The following CD109 variants were observed in gnomAD, a reference collection of about 807,000 sequenced individuals.
CD109 encodes the protein CD109 molecule, also known as CD109 antigen.
A neutral mutation model predicts 165.8 loss-of-function variants in CD109; 149 were observed. The ratio of observed to expected loss-of-function variants is 0.90; its 90% CI spans 0.79 to 1.03. CD109 has a LOEUF of 1.03. CD109 is among the 50% of genes least tolerant of loss of function. The pLI is 0.00. For synonymous variants in CD109, 585 were observed against 592.1 expected (o/e 0.99, Z 0.18); for missense variants, 1,712 against 1,677.8 (o/e 1.02, Z -0.36).
chr6:73,683,173 C>T, the CD109 span, among the ~76,000 whole-genome samples: 3 of 152,196 alleles, frequency 2.0e-5, no homozygotes, highest in African/African-American at 4.8e-5. Flanking sequence ...TCAGGCTGCA[C>T]ATTTTCCAAA....
rs1243538330 is a variant in CD109, at chr6:73,749,644, G to A, written c.634-6999G>A. Among the ~76,000 whole-genome samples, 6 of 152,100 alleles carry A rather than the reference G, an allele frequency of 3.9e-5. No individual in the cohort carries two copies. The East Asian group carries it at 1.2e-3, about 29-fold the overall frequency. ...GCAAATTTCAATATAGGACTTCTGA[G>A]GACAAAGGAAACAAAATGTGTGTGA... On this transcript the variant is annotated intron_variant, in intron 5 of 32. Transcript: ENST00000287097.
chr6:73,706,020 C>T (rs56311419), intron 2 of CD109, among the ~76,000 whole-genome samples: 7,123 of 151,982 alleles, frequency 0.047, 189 homozygotes, highest in East Asian at 0.12. Flanking sequence ...GTGGTGAGAT[C>T]AGTATTGGGG....
chr6:73,709,593 G>T (rs1054451363), intron 2 of CD109, among the ~76,000 whole-genome samples: 1 of 152,114 alleles, frequency 6.6e-6, no homozygotes, highest in Non-Finnish European at 1.5e-5. Context: ...ACCTTGGGCA[G>T]TATGGCCATT....
intron 19 of CD109, among the ~76,000 whole-genome samples, chr6:73,784,958 C>T (rs1393661310): frequency 2.0e-5 from 3 of 152,108 alleles, no homozygotes; most frequent in South Asian, 2.1e-4. Flanking sequence ...CAAATTGCTT[C>T]GGGATTAGAC....
At chr6:73,731,244 C>A (rs749552994) in intron 4 of CD109, among the ~76,000 whole-genome samples, 1 of 152,170 alleles carries the variant, frequency 6.6e-6, no homozygotes, top group Non-Finnish European at 1.5e-5. Flanking sequence ...CGGGGTTTCA[C>A]CATGTTGGTC....
chr6:73,709,612 A>G (rs1323810755), intron 2 of CD109, among the ~76,000 whole-genome samples: 1 of 152,184 alleles, frequency 6.6e-6, no homozygotes, highest in Non-Finnish European at 1.5e-5. Flanking sequence ...TTTTCCTGAT[A>G]CCAAAGCCTG....
chr6:73,780,601 T>G, intron 16 of CD109, 103 bp downstream of exon 16: 1 of 765,686 alleles, frequency 1.3e-6, no homozygotes, highest in South Asian at 1.6e-5. Flanking sequence ...TTATTAAATG[T>G]GTCACTGAAG....
At chr6:73,718,523 C>G (rs1181333261) in intron 2 of CD109, among the ~76,000 whole-genome samples, 1 of 151,266 alleles carries the variant, frequency 6.6e-6, no homozygotes, top group Non-Finnish European at 1.5e-5. Context: ...AGTTTTTGCC[C>G]TTCATTCTGT....
intron 2 of CD109, among the ~76,000 whole-genome samples, chr6:73,710,480 G>A (rs1271804037): frequency 1.3e-5 from 2 of 152,110 alleles, no homozygotes; most frequent in Admixed American, 6.6e-5. Flanking sequence ...ATGCTCATGG[G>A]TAGGAAGAAT....
Position 73,742,983 on chromosome 6 carries a change from T to C in CD109, c.633+6475T>C, listed in dbSNP as rs548601226. On this transcript the variant is annotated intron_variant, in intron 5 of 32. Coordinates refer to ENST00000287097, the MANE Select transcript of CD109 (RefSeq NM_133493.5). ...CTAGGCATCTTTAGAATCCATCTTT[T>C]CCATTGAGAGGCAGTGTTGGGCAGT... is the stretch of plus-strand genomic sequence containing the variant. Among the ~76,000 whole-genome samples the C allele has an allele frequency of 1.8e-3, 280 of 152,302 alleles. 1 individual carries two copies. The highest frequency in any genetic ancestry group is 6.4e-3 in the African/African-American group (267 of 41,556).
At chr6:73,815,257 T>C in intron 30 of CD109, 134 bp downstream of exon 30, 1 of 593,460 alleles carries the variant, frequency 1.7e-6, no homozygotes. Flanking sequence ...ACACTTCAGA[T>C]TACAAACTAG....
chr6:73,763,130 T>G (rs1489771960), intron 9 of CD109, among the ~76,000 whole-genome samples: 8 of 152,188 alleles, frequency 5.3e-5, no homozygotes, highest in Admixed American at 5.2e-4. Flanking sequence ...ATTTCTACTC[T>G]TTCCCCCTGA....
At chr6:73,800,980 A>G (rs1775341538) in intron 23 of CD109, among the ~76,000 whole-genome samples, 1 of 152,182 alleles carries the variant, frequency 6.6e-6, no homozygotes, top group Non-Finnish European at 1.5e-5. Flanking sequence ...AAAATAGTCA[A>G]ATGCATCAAT....
Position 73,825,609 on chromosome 6 carries a change from T to C in CD109, c.*1976T>C, listed in dbSNP as rs1480492227. The C allele has an allele frequency of 6.6e-6, 1 of 152,248 alleles. No homozygotes were observed. Among genetic ancestry groups the C allele is most frequent in the East Asian group, 1.9e-4 (1 of 5,206 alleles). The allele number at this position is 152,248 out of a possible 1,614,324, so 9.4% of individuals were successfully genotyped here. ...CCATTGGAAGACAGGTTGTATCTTT[T>C]TTAGACCATATTTCCTTGTTTAAAA... is the stretch of plus-strand genomic sequence containing the variant. On this transcript the variant is annotated 3_prime_UTR_variant, in exon 33 of 33. Coordinates refer to ENST00000287097, the MANE Select transcript of CD109 (RefSeq NM_133493.5).
chr6:73,737,366 A>G (rs764391258), intron 5 of CD109, among the ~76,000 whole-genome samples: 17 of 152,226 alleles, frequency 1.1e-4, no homozygotes, highest in South Asian at 2.1e-4. Flanking sequence ...TGGAGGCACA[A>G]TGGACTCTCA....
At chr6:73,689,825 T>A in the CD109 span, among the ~76,000 whole-genome samples, 1 of 152,160 alleles carries the variant, frequency 6.6e-6, no homozygotes, top group African/African-American at 2.4e-5. Flanking sequence ...AGAAAGAAAA[T>A]TTATTGTCAA....
At chr6:73,723,379 A>G in intron 3 of CD109, 100 bp downstream of exon 3, 1 of 931,244 alleles carries the variant, frequency 1.1e-6, no homozygotes, top group Non-Finnish European at 1.7e-6. Context: ...CACACATTTC[A>G]CGTTTCATGT....
intron 9 of CD109, 75 bp from the exon 10 acceptor site, chr6:73,763,501 T>C (rs1773717229): frequency 3.8e-6 from 3 of 788,092 alleles, no homozygotes; most frequent in Admixed American, 2.2e-5. Flanking sequence ...ATAGGTTAGA[T>C]GGAGAGATTT....
At position 73,766,166 on chromosome 6, in the gene CD109, T is replaced by C. The variant is rs375250400; in HGVS notation, c.1332+12T>C. 27 of 1,599,802 alleles carry C rather than the reference T, an allele frequency of 1.7e-5. No individual in the cohort carries two copies. The highest frequency in any genetic ancestry group is 2.2e-5 in the Non-Finnish European group (26 of 1,167,380). Reference sequence around the variant, plus strand: ...AGCTACAGTTGAAGGTGCCGTCTGTTTCCCATCATTGTGTCACTGCAACAA... The same window carrying C: ...AGCTACAGTTGAAGGTGCCGTCTGTCTCCCATCATTGTGTCACTGCAACAA... On this transcript the variant is annotated intron_variant, in intron 11 of 32. Coordinates refer to ENST00000287097, the MANE Select transcript of CD109 (RefSeq NM_133493.5).
Sources: allele counts gnomAD v4.1 joint callset (sites outside exome capture counted in the v4.1 genomes callset), GRCh38; gene constraint gnomAD v4.1.1; transcripts MANE v1.5; gene names NCBI Gene and HGNC (gene_info 2026-07-23, HGNC 2026-07-21).